ZNF473: variants seen among roughly 807,000 people sequenced by gnomAD.
ZNF473 encodes the protein zinc finger protein 473.
Under a neutral mutation model 11.1 loss-of-function variants are expected in ZNF473, and 4 were observed. That is an observed-to-expected ratio of 0.36 (90% confidence interval 0.18 to 0.82). The LOEUF is 0.82. Among genes scored for constraint, ZNF473 ranks in the 40% least tolerant of loss-of-function variants. ZNF473 has a pLI of 0.49. For missense variants in ZNF473, 854 were observed against 1,084.0 expected (o/e 0.79, Z 2.98); for synonymous variants, 404 against 390.4 (o/e 1.03, Z -0.41).
Position 50,047,010 on chromosome 19 carries a change from G to A in ZNF473, c.2567G>A (p.Ser856Asn). 6.2e-7 allele frequency: 1 copy of A among 1,613,884 alleles called. No homozygotes were observed. The highest frequency in any genetic ancestry group is 8.5e-7 in the Non-Finnish European group (1 of 1,180,034). The change falls in exon 5 of 5, where the codon AGC becomes AAC. Residue 856 changes from serine to asparagine, a missense_variant. Around this residue, in one of 2 missense-constraint regions of ZNF473, gnomAD observed 186 missense variants for 293.8 expected, o/e 0.63. Transcript: ENST00000270617. ...CAGAAAGCCTTTCGGTGCCACTCGAGCCTCAGCCGCCATCAGCGTGTACAC... is the reference window on the plus strand; with the variant it reads ...CAGAAAGCCTTTCGGTGCCACTCGAACCTCAGCCGCCATCAGCGTGTACAC... ...RCQKAFRCHS[S>N]LSRHQRVHNK...
chr19:50,045,669 G>C lies in ZNF473; in HGVS notation c.1226G>C (p.Gly409Ala). 1 of 1,614,048 alleles carries C rather than the reference G, an allele frequency of 6.2e-7. No homozygotes were observed. Among genetic ancestry groups the C allele is most frequent in the East Asian group, 2.2e-5 (1 of 44,882 alleles). ...GEEPYKCNER[G>A]KSFRHNSTLK... ...GAGCCTTATAAGTGTAACGAACGTG[G>C]GAAATCCTTCAGGCATAACTCTACC... is the stretch of plus-strand genomic sequence containing the variant. Residue 409 changes from glycine (G) to alanine (A), a missense_variant, in exon 5 of 5, where the codon GGG (glycine) becomes GCG (alanine). Gly to Ala is a moderately conservative substitution (Grantham distance 60). This residue lies in a region of ZNF473 where 668 missense variants were observed against 790.2 expected (regional missense o/e 0.85). Coordinates refer to ENST00000270617, the MANE Select transcript of ZNF473 (RefSeq NM_015428.4).
At chr19:50,032,345 C>CT (rs1238431093) in intron 2 of ZNF473, among the ~76,000 whole-genome samples, 2 of 151,708 alleles carry the variant, frequency 1.3e-5, no homozygotes, top group African/African-American at 2.4e-5. Context: ...AGTCAGGAGA[C>CT]TATTAATTAT....
intron 4 of ZNF473, 153 bp from the exon 5 acceptor site, chr19:50,044,517 G>T (rs1600761555): frequency 4.8e-6 from 3 of 620,446 alleles, no homozygotes; most frequent in Non-Finnish European, 8.5e-6. Context: ...CCTGGGAATG[G>T]GCTCTGTCTG....
At chr19:50,038,382 C>T (rs912970163) in intron 2 of ZNF473, among the ~76,000 whole-genome samples, 16 of 151,972 alleles carry the variant, frequency 1.1e-4, no homozygotes, top group African/African-American at 2.4e-4. Flanking sequence ...GTACCTAAAG[C>T]GGACCTGGTA....
chr19:50,046,998 G>A lies in ZNF473; in HGVS notation c.2555G>A (p.Arg852Gln), dbSNP rs777399085. The A allele has an allele frequency of 6.2e-6, 10 of 1,613,802 alleles. No individual in the cohort carries two copies. The highest frequency in any genetic ancestry group is 8.5e-6 in the Non-Finnish European group (10 of 1,180,020). ...YQCQRCQKAF[R>Q]CHSSLSRHQR... ...TGTCAACGTTGCCAGAAAGCCTTTCGGTGCCACTCGAGCCTCAGCCGCCAT... is the reference window on the plus strand; with the variant it reads ...TGTCAACGTTGCCAGAAAGCCTTTCAGTGCCACTCGAGCCTCAGCCGCCAT... Residue 852 changes from arginine to glutamine, a missense_variant, in exon 5 of 5, where the codon CGG becomes CAG. Transcript: ENST00000270617. This position sits in a 1 kb window ranked among gnomAD's most constrained non-coding sequence, Gnocchi z 5.9.
In ZNF473 at chr19:50,038,033, G is replaced by A. The variant is rs1056390525; in HGVS notation, c.10-1128G>A. Among the ~76,000 whole-genome samples the A allele has an allele frequency of 7.8e-4, 106 of 136,582 alleles. 2 individuals are homozygous for A. The East Asian group carries it at 0.021, about 27-fold the overall frequency. 89.6% of individuals were successfully genotyped at this position (136,582 alleles called of 152,430 possible). On this transcript the variant is annotated intron_variant, in intron 2 of 4. Transcript: ENST00000270617. ...AATTTTTTTTTTTTTTTTTGAGACAGGGTCTCACTGTCCCCCAGGGTGGAG... is the reference window on the plus strand; with the variant it reads ...AATTTTTTTTTTTTTTTTTGAGACAAGGTCTCACTGTCCCCCAGGGTGGAG...
intron 4 of ZNF473, among the ~76,000 whole-genome samples, chr19:50,043,784 A>T (rs1035389517): frequency 2.0e-5 from 3 of 152,218 alleles, no homozygotes; most frequent in Admixed American, 2.0e-4. Flanking sequence ...TTCAGAGAAT[A>T]CAGGGCAGGG....
chr19:50,029,336 CGG>C (rs1568832530), intron 1 of ZNF473, among the ~76,000 whole-genome samples: 1 of 152,132 alleles, frequency 6.6e-6, no homozygotes, highest in East Asian at 1.9e-4. Flanking sequence ...TTAGTAGAGA[CGG>C]GGTTTCACCG....
At chr19:50,040,184 C>T (rs1281132341) in intron 3 of ZNF473, among the ~76,000 whole-genome samples, 1 of 152,182 alleles carries the variant, frequency 6.6e-6, no homozygotes, top group Non-Finnish European at 1.5e-5. Flanking sequence ...AGAGCACAGT[C>T]AGCAAAGGGA....
At chr19:50,028,537 G>T (rs759486729) in intron 1 of ZNF473, among the ~76,000 whole-genome samples, 2 of 151,532 alleles carry the variant, frequency 1.3e-5, no homozygotes, top group Non-Finnish European at 1.5e-5. Flanking sequence ...TAGAAACAAG[G>T]TCTTGTTACG....
chr19:50,030,929 C>A lies in ZNF473; in HGVS notation c.-154C>A. ...TGGGACTTGTCCTCCTCCTCCTGGA[C>A]ATTTTGGGGGCTCGTCAGCATGGAC... On this transcript the variant is annotated 5_prime_UTR_variant, in exon 2 of 5. Coordinates refer to ENST00000270617, the MANE Select transcript of ZNF473 (RefSeq NM_015428.4). 9.3e-7 allele frequency: 1 copy of A among 1,080,482 alleles called. No homozygotes were observed. The highest frequency in any genetic ancestry group is 1.4e-6 in the Non-Finnish European group (1 of 727,056). The allele number at this position is 1,080,482 out of a possible 1,614,324, so 66.9% of individuals were successfully genotyped here.
In ZNF473 at chr19:50,046,475, A is replaced by G. The variant is rs1271945774; in HGVS notation, c.2032A>G (p.Lys678Glu). Residue 678 changes from lysine to glutamate, a missense_variant, in exon 5 of 5, where the codon AAG becomes GAG. Transcript: ENST00000270617. The surrounding 1 kb of genome is among the most constrained non-coding windows in gnomAD (Gnocchi z 5.9). The stretch of plus-strand genomic sequence containing the variant: ...TGGAGAGAATCCCTTTAAATGTAGT[A>G]AGTGTGACAGAGTCTTCACCCAGAG... ...HAGENPFKCS[K>E]CDRVFTQRNY... 5 of 1,614,232 alleles carry G rather than the reference A, an allele frequency of 3.1e-6. No homozygotes were observed. The highest frequency in any genetic ancestry group is 1.3e-5 in the African/African-American group (1 of 75,066).
intron 1 of ZNF473, among the ~76,000 whole-genome samples, chr19:50,029,851 CT>C (rs60578753): frequency 0.054 from 7,948 of 148,080 alleles, 679 homozygotes; most frequent in African/African-American, 0.18. Context: ...AGTCATGATA[CT>C]TTTTTTTTTT....
chr19:50,044,960 G>A lies in ZNF473; in HGVS notation c.517G>A (p.Val173Ile), dbSNP rs1379850770. The A allele has an allele frequency of 1.2e-6, 2 of 1,614,232 alleles. No homozygotes were observed. The highest frequency in any genetic ancestry group is 3.3e-5 in the Admixed American group (2 of 60,020). ...GGGAGAAGATTCCATGGTGCATAAT[G>A]TTTCTGAAAAGACCCTCACACCAGC... is the stretch of plus-strand genomic sequence containing the variant. ...STGEDSMVHNVSEKTLTPAKS... is the reference protein window; with the variant it reads ...STGEDSMVHNISEKTLTPAKS... The change falls in exon 5 of 5, where the codon GTT (valine) becomes ATT (isoleucine). Residue 173 changes from valine to isoleucine, a missense_variant. Physicochemically the swap from Val to Ile is conservative, Grantham distance 29. This residue lies in a region of ZNF473 where 668 missense variants were observed against 790.2 expected (regional missense o/e 0.85). Transcript: ENST00000270617.
rs529611191 is a variant in ZNF473 at position 50,041,713 on chromosome 19, C to A, written c.137-17C>A. On this transcript the variant is annotated splice_polypyrimidine_tract_variant and intron_variant, in intron 3 of 4. Coordinates refer to ENST00000270617, the MANE Select transcript of ZNF473 (RefSeq NM_015428.4). ...TCCATGTCCTGGTTGGGTGACAATGCTTTTCTCTCCCTGCAGACCCCCCAA... is the reference window on the plus strand; with the variant it reads ...TCCATGTCCTGGTTGGGTGACAATGATTTTCTCTCCCTGCAGACCCCCCAA... The A allele has an allele frequency of 2.9e-5, 46 of 1,589,978 alleles. No individual in the cohort carries two copies. In the South Asian group the frequency reaches 4.9e-4, roughly 17 times the overall value.
chr19:50,031,061 G>C lies in ZNF473; in HGVS notation c.-22G>C, dbSNP rs759462027. 28 of 1,564,836 alleles carry C rather than the reference G, an allele frequency of 1.8e-5. No individual in the cohort carries two copies. In the East Asian group the frequency reaches 6.5e-4, roughly 36 times the overall value. Reference sequence around the variant, plus strand: ...GGGGAAGGAGGAGGAGCTTAAAAGAGGCTACTGAACCCCAGTTGGCCATGG... The same window carrying C: ...GGGGAAGGAGGAGGAGCTTAAAAGACGCTACTGAACCCCAGTTGGCCATGG... On this transcript the variant is annotated 5_prime_UTR_variant, in exon 2 of 5. Transcript: ENST00000270617.
intron 1 of ZNF473, among the ~76,000 whole-genome samples, chr19:50,027,051 C>T (rs1236210424): frequency 6.6e-6 from 1 of 152,090 alleles, no homozygotes; most frequent in East Asian, 1.9e-4. Context: ...TCTTCTGATC[C>T]CCGCAGCAGC....
chr19:50,040,877 C>T (rs1978728793), intron 3 of ZNF473, among the ~76,000 whole-genome samples: 1 of 152,192 alleles, frequency 6.6e-6, no homozygotes, highest in Admixed American at 6.5e-5. Flanking sequence ...GGAGGTCCTA[C>T]CTCAGTGTCT....
chr19:50,045,588 A>G lies in ZNF473; in HGVS notation c.1145A>G (p.Lys382Arg), dbSNP rs866781741. 1.2e-6 allele frequency: 2 copies of G among 1,614,072 alleles called. No homozygotes were observed. The highest frequency in any genetic ancestry group is 2.7e-5 in the African/African-American group (2 of 74,928). ...ACCTCTGAGTGTCAGGAGTGTGGGA[A>G]GATTTTTAGGCACAGTTCGCTGCTC... Reference protein sequence around the residue: ...KTTSECQECGKIFRHSSLLIE... With the variant: ...KTTSECQECGRIFRHSSLLIE... Residue 382 changes from lysine (K) to arginine (R), a missense_variant, in exon 5 of 5, where the codon AAG becomes AGG. Around this residue, in one of 2 missense-constraint regions of ZNF473, gnomAD observed 668 missense variants for 790.2 expected, o/e 0.85. Transcript: ENST00000270617.
Sources: allele counts gnomAD v4.1 joint callset (sites outside exome capture counted in the v4.1 genomes callset), GRCh38; gene constraint gnomAD v4.1.1; regional missense constraint gnomAD v4.1.1; non-coding constraint Gnocchi (gnomAD v3.1); transcripts MANE v1.5; gene names NCBI Gene and HGNC (gene_info 2026-07-23, HGNC 2026-07-21).